Variants in OTUD5 observed in about 807,000 individuals in gnomAD.
OTUD5 encodes OTU deubiquitinase 5.
A neutral mutation model predicts 36.3 loss-of-function variants in OTUD5; 2 were observed. The ratio of observed to expected loss-of-function variants is 0.06; its 90% CI spans 0.02 to 0.17. The LOEUF is 0.17. Ranked by LOEUF, OTUD5 falls within the 10% of genes least tolerant of loss-of-function variation. OTUD5 has a pLI of 1.00. For synonymous variants in OTUD5, 234 were observed against 214.9 expected (o/e 1.09, Z -0.78); for missense variants, 233 against 512.3 (o/e 0.45, Z 5.26).
At chrX:48,934,340 A>G in intron 5 of OTUD5, 124 bp downstream of exon 5, 1 of 416,306 alleles carries the variant, frequency 2.4e-6, no homozygotes, top group African/African-American at 2.7e-5. Context: ...TTTTTTTTGT[A>G]AGGGTGAGAC....
chrX:48,942,674 C>A (rs1319365757), intron 2 of OTUD5, among the ~76,000 whole-genome samples: 7 of 107,985 alleles, frequency 6.5e-5, no homozygotes, highest in Non-Finnish European at 1.1e-4. Flanking sequence ...TGAGCCTCTT[C>A]TGCTTGGCAG....
intron 5 of OTUD5, among the ~76,000 whole-genome samples, chrX:48,928,495 G>A (rs2063699976): frequency 9.0e-6 from 1 of 111,488 alleles, no homozygotes; most frequent in Non-Finnish European, 1.9e-5. Flanking sequence ...TAAGTGAAAA[G>A]AAGCAGTCTG....
intron 1 of OTUD5, among the ~76,000 whole-genome samples, chrX:48,950,431 A>G (rs1272998794): frequency 9.1e-6 from 1 of 110,259 alleles, no homozygotes; most frequent in Non-Finnish European, 1.9e-5. Context: ...TCTCCCTGAG[A>G]GCTTCCAGAA....
At chrX:48,940,785 C>G (rs2063906453) in intron 2 of OTUD5, 1 of 111,913 alleles carries the variant, frequency 8.9e-6, no homozygotes, top group Admixed American at 9.5e-5. Context: ...AGGTTCCCAC[C>G]TCCACTCCAC....
chrX:48,957,734 CGGCGGCGGCGGCGGCGGT>C (rs1296020117), upstream of OTUD5: 70 of 727,757 alleles, frequency 9.6e-5, no homozygotes, highest in African/African-American at 6.3e-4. Context: ...GAGGAGGCGG[CGGCGGCGGCGGCGGCGGT>C]GGCGGCGCGC....
Position 48,922,066 on chromosome X carries a change from C to G in OTUD5, c.*1108G>C, listed in dbSNP as rs2063591367. The G allele has an allele frequency of 9.2e-6, 1 of 108,354 alleles. No homozygotes were observed. Among genetic ancestry groups the G allele is most frequent in the African/African-American group, 3.4e-5 (1 of 29,206 alleles). 8.9% of individuals were successfully genotyped at this position (108,354 alleles called of 1,213,427 possible). On this transcript the variant is annotated 3_prime_UTR_variant, in exon 9 of 9. Coordinates refer to ENST00000376488, the MANE Select transcript of OTUD5 (RefSeq NM_001136157.2). ...GTCCAGAAGGAGGTTTAATAAGCAG[C>G]AAATCAAATACAAACTCCAGGCCCC...
Position 48,923,015 on chromosome X carries a change from G to A in OTUD5, c.*159C>T. 4 of 1,120,313 alleles carry A rather than the reference G, an allele frequency of 3.6e-6. No individual in the cohort carries two copies. Among genetic ancestry groups the A allele is most frequent in the South Asian group, 2.2e-5 (1 of 46,429 alleles). 92.3% of individuals were successfully genotyped at this position (1,120,313 alleles called of 1,213,427 possible). On this transcript the variant is annotated 3_prime_UTR_variant, in exon 9 of 9. Coordinates refer to ENST00000376488, the MANE Select transcript of OTUD5 (RefSeq NM_001136157.2). ...AGTGGCAGCGGCAATGAGAGAGAGT[G>A]CAGGGGTGGGCTAGCCAGAGGGAAG... is the stretch of plus-strand genomic sequence containing the variant.
chrX:48,946,901 CAAGA>C (rs1178911409), intron 1 of OTUD5, among the ~76,000 whole-genome samples: 1 of 112,388 alleles, frequency 8.9e-6, no homozygotes, highest in Non-Finnish European at 1.9e-5. Flanking sequence ...CTTATCCATT[CAAGA>C]AAGACTTACC....
At chrX:48,952,018 T>A (rs1369546662) in intron 1 of OTUD5, among the ~76,000 whole-genome samples, 1 of 109,990 alleles carries the variant, frequency 9.1e-6, no homozygotes, top group East Asian at 2.8e-4. Context: ...ATTGCGCCAC[T>A]GCACTCCAGC....
intron 2 of OTUD5, chrX:48,936,215 C>CCTGTGG (rs1386039680): frequency 9.0e-6 from 1 of 110,785 alleles, no homozygotes; most frequent in African/African-American, 3.3e-5. Flanking sequence ...GGATGGGCAG[C>CCTGTGG]CTGTGGCCCG....
chrX:48,950,132 C>A, intron 1 of OTUD5, among the ~76,000 whole-genome samples: 1 of 84,350 alleles, frequency 1.2e-5, no homozygotes. Context: ...GAGATTCCAC[C>A]TCAAAAAAAA....
At chrX:48,933,708 G>A (rs1557049310) in intron 5 of OTUD5, among the ~76,000 whole-genome samples, 2 of 111,862 alleles carry the variant, frequency 1.8e-5, no homozygotes, top group Admixed American at 9.5e-5. Context: ...GTGGGCCACC[G>A]TGCCCAGCCT....
At position 48,924,059 on chromosome X, in the gene OTUD5, C is replaced by T. The variant is rs1324205071; in HGVS notation, c.1264-7G>A. 5 of 1,188,560 alleles carry T rather than the reference C, an allele frequency of 4.2e-6. No individual in the cohort carries two copies. Among genetic ancestry groups the T allele is most frequent in the East Asian group, 6.1e-5 (2 of 32,862 alleles). The stretch of plus-strand genomic sequence containing the variant: ...TGGCGCTGGCTTTCCGGGGCTGCAG[C>T]GGGGAAGGTAAATGCGTTAAGGACC... On this transcript the variant is annotated splice_region_variant and splice_polypyrimidine_tract_variant and intron_variant, in intron 6 of 8. Coordinates refer to ENST00000376488, the MANE Select transcript of OTUD5 (RefSeq NM_001136157.2).
In OTUD5 at chrX:48,923,252, C is replaced by A. The variant is rs138137225; in HGVS notation, c.1623G>T (p.Leu541=). 5.0e-6 allele frequency: 6 copies of A among 1,209,749 alleles called. No individual in the cohort carries two copies. Among genetic ancestry groups the A allele is most frequent in the Non-Finnish European group, 6.7e-6 (6 of 894,212 alleles). Reference sequence around the variant, plus strand: ...CTAGGTATTCCTGTTGGGACACTGCCAGCACCGAAGCTAGGATCTCATCAT... The same window carrying A: ...CTAGGTATTCCTGTTGGGACACTGCAAGCACCGAAGCTAGGATCTCATCAT... ...WDDDEILASV[L]AVSQQEYLDS... Residue 541 remains leucine (L), a synonymous_variant, in exon 9 of 9, where the codon CTG becomes CTT. Coordinates refer to ENST00000376488, the MANE Select transcript of OTUD5 (RefSeq NM_001136157.2).
At chrX:48,931,300 T>C (rs1196076068) in intron 5 of OTUD5, among the ~76,000 whole-genome samples, 1 of 112,222 alleles carries the variant, frequency 8.9e-6, no homozygotes, top group Non-Finnish European at 1.9e-5. Flanking sequence ...ACAATGGCAC[T>C]TTACCTCTGT....
chrX:48,951,959 G>A (rs1329552376), intron 1 of OTUD5, among the ~76,000 whole-genome samples: 5 of 111,066 alleles, frequency 4.5e-5, no homozygotes, highest in Non-Finnish European at 9.4e-5. Context: ...GGGAGGCTGA[G>A]GCAGGAGAAT....
At chrX:48,942,915 G>C (rs2063958427) in intron 2 of OTUD5, among the ~76,000 whole-genome samples, 1 of 110,756 alleles carries the variant, frequency 9.0e-6, no homozygotes, top group Non-Finnish European at 1.9e-5. Flanking sequence ...AGAGCTGCTT[G>C]CCTAAGGTCA....
chrX:48,934,328 T>C (rs1557049427), intron 5 of OTUD5, 136 bp downstream of exon 5: 1 of 455,063 alleles, frequency 2.2e-6, no homozygotes, highest in Non-Finnish European at 3.6e-6. Context: ...CTATTTTTTT[T>C]TTTTTTTTTG....
At position 48,945,833 on chromosome X, in the gene OTUD5, T is replaced by C. The variant is rs782110955; in HGVS notation, c.595-1550A>G. ...TTCAACTTAAATGAACCTGTACAAA[T>C]GCCTATTTTTTAATTAAAAAAATAA... On this transcript the variant is annotated intron_variant, in intron 1 of 8. Transcript: ENST00000376488. Among the ~76,000 whole-genome samples the C allele has an allele frequency of 5.4e-5, 6 of 110,632 alleles. No homozygotes were observed. The South Asian group carries it at 1.9e-3, about 35-fold the overall frequency.
Sources: allele counts gnomAD v4.1 joint callset (sites outside exome capture counted in the v4.1 genomes callset), GRCh38; gene constraint gnomAD v4.1.1; transcripts MANE v1.5; gene names NCBI Gene and HGNC (gene_info 2026-07-23, HGNC 2026-07-21).